PRKCQ: variants seen among roughly 807,000 people sequenced by gnomAD.
The protein encoded by PRKCQ is protein kinase C theta, also known as protein kinase C theta type.
A neutral mutation model predicts 91.2 loss-of-function variants in PRKCQ; 41 were observed. The observed-to-expected ratio is 0.45, with a 90% CI of 0.35 to 0.58. The LOEUF is 0.58. Ranked by LOEUF, PRKCQ falls within the 20% of genes least tolerant of loss-of-function variation. The pLI is 0.00. For synonymous variants in PRKCQ, 307 were observed against 316.9 expected (o/e 0.97, Z 0.33); for missense variants, 673 against 896.5 (o/e 0.75, Z 3.18).
chr10:6,414,632 C>T, the PRKCQ span, among the ~76,000 whole-genome samples: 1 of 152,002 alleles, frequency 6.6e-6, no homozygotes, highest in African/African-American at 2.4e-5. Flanking sequence ...AATTGAAGTT[C>T]TAGAGGTGAA....
chr10:6,478,735 A>C (rs1836410129), intron 12 of PRKCQ, among the ~76,000 whole-genome samples: 1 of 152,256 alleles, frequency 6.6e-6, no homozygotes, highest in African/African-American at 2.4e-5. Context: ...GTTATGCTAA[A>C]TGAAACCAAA....
intron 16 of PRKCQ, among the ~76,000 whole-genome samples, chr10:6,439,982 G>C (rs149687239): frequency 2.0e-5 from 3 of 152,060 alleles, no homozygotes; most frequent in Non-Finnish European, 4.4e-5. Flanking sequence ...CATGTGTCAC[G>C]GGAGGGACTC....
At chr10:6,450,417 C>G in intron 15 of PRKCQ, among the ~76,000 whole-genome samples, 1 of 152,138 alleles carries the variant, frequency 6.6e-6, no homozygotes, top group Non-Finnish European at 1.5e-5. Flanking sequence ...CAGGAGCACC[C>G]AGATTCATAA....
chr10:6,481,077 GC>G (rs1231871877), intron 11 of PRKCQ, among the ~76,000 whole-genome samples: 1 of 152,198 alleles, frequency 6.6e-6, no homozygotes, highest in South Asian at 2.1e-4. Context: ...ATCCTGTCTT[GC>G]TTTGATATCT....
chr10:6,414,222 C>A, the PRKCQ span, among the ~76,000 whole-genome samples: 1 of 152,152 alleles, frequency 6.6e-6, no homozygotes, highest in South Asian at 2.1e-4. Context: ...CTGAGGTCTG[C>A]AGGAGATCTT....
intron 16 of PRKCQ, among the ~76,000 whole-genome samples, chr10:6,436,439 G>C (rs975672300): frequency 6.6e-6 from 1 of 152,130 alleles, no homozygotes; most frequent in Non-Finnish European, 1.5e-5. Flanking sequence ...GCCTGGTACC[G>C]TGTGTGTATA....
At position 6,467,345 on chromosome 10, in the gene PRKCQ, G is replaced by C. The variant is rs1397064418; in HGVS notation, c.1354-2941C>G. On this transcript the variant is annotated intron_variant, in intron 12 of 17. Transcript: ENST00000263125. Reference sequence around the variant, plus strand: ...ACAGAGAGAGACAGACAGAGAGAGAGAGAGAGAGAGACAGAGAGAGAGAGA... The same window carrying C: ...ACAGAGAGAGACAGACAGAGAGAGACAGAGAGAGAGACAGAGAGAGAGAGA... 6.8e-5 allele frequency among the ~76,000 whole-genome samples: 9 copies of C among 132,418 alleles called. 1 individual carries two copies. Among genetic ancestry groups the C allele is most frequent in the Non-Finnish European group, 1.5e-4 (9 of 58,676 alleles). The allele number at this position is 132,418 out of a possible 152,430, so 86.9% of individuals were successfully genotyped here. A position where few individuals can be genotyped will look rare whatever the true frequency, so the allele number is the denominator to read the frequency against.
the PRKCQ span, among the ~76,000 whole-genome samples, chr10:6,414,330 T>C: frequency 1.3e-5 from 2 of 152,356 alleles, no homozygotes; most frequent in South Asian, 4.1e-4. Context: ...CAAGTAACTT[T>C]ACCACATCAC....
At chr10:6,547,165 C>T (rs1254169314) in intron 1 of PRKCQ, among the ~76,000 whole-genome samples, 1 of 152,052 alleles carries the variant, frequency 6.6e-6, no homozygotes, top group Non-Finnish European at 1.5e-5. Context: ...TGTGGGAATC[C>T]AACTTACAAG....
Position 6,465,689 on chromosome 10 carries a change from T to C in PRKCQ, c.1354-1285A>G, listed in dbSNP as rs184987488. ...GGCCGTGGGGCATAGGAGGTAATAG[T>C]AGAAACATTGTTCTGGTCTGACAGT... On this transcript the variant is annotated intron_variant, in intron 12 of 17. Transcript: ENST00000263125. The surrounding 1 kb of genome is among the most constrained non-coding windows in gnomAD (Gnocchi z 4.4). Among the ~76,000 whole-genome samples, 186 of 152,360 alleles carry C rather than the reference T, an allele frequency of 1.2e-3. No homozygotes were observed. The highest frequency in any genetic ancestry group is 2.3e-3 in the Non-Finnish European group (157 of 68,030).
chr10:6,555,137 G>C (rs1840361350), intron 1 of PRKCQ, among the ~76,000 whole-genome samples: 1 of 152,000 alleles, frequency 6.6e-6, no homozygotes, highest in African/African-American at 2.4e-5. Context: ...AAGGTGGGAG[G>C]GGGGGGGTCT....
rs906899441 is a variant in PRKCQ, at chr10:6,576,010, A to G, written c.-10+4201T>C. 6.6e-6 allele frequency among the ~76,000 whole-genome samples: 1 copy of G among 152,218 alleles called. No homozygotes were observed. The highest frequency in any genetic ancestry group is 1.5e-5 in the Non-Finnish European group (1 of 68,040). On this transcript the variant is annotated intron_variant, in intron 1 of 17. Coordinates refer to ENST00000263125, the MANE Select transcript of PRKCQ (RefSeq NM_006257.5). The surrounding 1 kb of genome is among the most constrained non-coding windows in gnomAD (Gnocchi z 4.2). Reference sequence around the variant, plus strand: ...AGCTGAGATCATGCCACTGCACTCCAGCCTGGCGACACAGCGAGACTCCAT... The same window carrying G: ...AGCTGAGATCATGCCACTGCACTCCGGCCTGGCGACACAGCGAGACTCCAT...
At chr10:6,507,726 C>G (rs566851064) in intron 3 of PRKCQ, among the ~76,000 whole-genome samples, 1 of 152,280 alleles carries the variant, frequency 6.6e-6, no homozygotes, top group East Asian at 1.9e-4. Context: ...GAGAGAAAAA[C>G]TTACATAAGG....
At chr10:6,449,064 C>T (rs1198108384) in intron 15 of PRKCQ, among the ~76,000 whole-genome samples, 35 of 151,840 alleles carry the variant, frequency 2.3e-4, no homozygotes, top group African/African-American at 4.8e-4. Flanking sequence ...TCACCAGCAA[C>T]GGAACAAAGC....
In PRKCQ at chr10:6,456,768, A is replaced by G; in HGVS notation, c.1553T>C (p.Ile518Thr). 1 of 1,614,136 alleles carries G rather than the reference A, an allele frequency of 6.2e-7. No individual in the cohort carries two copies. Among genetic ancestry groups the G allele is most frequent in the African/African-American group, 1.3e-5 (1 of 75,042 alleles). Residue 518 changes from isoleucine to threonine, a missense_variant, in exon 15 of 18, where the codon ATC becomes ACC. By Grantham distance (89) the Ile-to-Thr change is moderately conservative. Transcript: ENST00000263125. ...DNILLDKDGH[I>T]KIADFGMCKE... is the part of the protein sequence containing the mutation. ...GCACATTCCAAAATCCGCGATCTTG[A>G]TATGTCCATCTTTGTCTAACAGGAT...
chr10:6,505,128 C>T (rs1327011846), intron 4 of PRKCQ, among the ~76,000 whole-genome samples: 2 of 152,106 alleles, frequency 1.3e-5, no homozygotes, highest in African/African-American at 2.4e-5. Context: ...CTCCTGACCT[C>T]GGATCCACCT....
At chr10:6,449,945 G>A (rs1443307874) in intron 15 of PRKCQ, among the ~76,000 whole-genome samples, 3 of 152,128 alleles carry the variant, frequency 2.0e-5, no homozygotes, top group Non-Finnish European at 4.4e-5. Context: ...ACTAAACATG[G>A]AAAGGCACAA....
At chr10:6,519,864 T>C (rs1320194559) in intron 1 of PRKCQ, among the ~76,000 whole-genome samples, 1 of 152,190 alleles carries the variant, frequency 6.6e-6, no homozygotes, top group Non-Finnish European at 1.5e-5. Flanking sequence ...TATTGTGTAA[T>C]ATGGAACCTG....
intron 1 of PRKCQ, among the ~76,000 whole-genome samples, chr10:6,548,064 T>C (rs958071252): frequency 1.6e-4 from 24 of 152,070 alleles, no homozygotes; most frequent in Non-Finnish European, 2.8e-4. Context: ...CATCAAAAAG[T>C]GGGTGAAGGA....
Sources: allele counts gnomAD v4.1 joint callset (sites outside exome capture counted in the v4.1 genomes callset), GRCh38; gene constraint gnomAD v4.1.1; non-coding constraint Gnocchi (gnomAD v3.1); transcripts MANE v1.5; gene names NCBI Gene and HGNC (gene_info 2026-07-23, HGNC 2026-07-21).